ZDHHC15: variants seen among roughly 807,000 people sequenced by gnomAD.
The protein encoded by ZDHHC15 is zDHHC palmitoyltransferase 15, also known as palmitoyltransferase ZDHHC15.
In ZDHHC15, 19 loss-of-function variants were observed where a neutral mutation model predicts 31.7. That is an observed-to-expected ratio of 0.60 (90% CI 0.42 to 0.88). The LOEUF is 0.88. ZDHHC15 is among the 40% of genes least tolerant of loss of function. The pLI is 0.00. For synonymous variants in ZDHHC15, 103 were observed against 90.0 expected, an observed-to-expected ratio of 1.14 and a Z score of -0.82; for missense variants, 209 against 251.2, an observed-to-expected ratio of 0.83 and a Z score of 1.14.
chrX:75,432,755 T>A (rs2083796339), intron 4 of ZDHHC15, among the ~76,000 whole-genome samples: 1 of 111,112 alleles, frequency 9.0e-6, no homozygotes, highest in African/African-American at 3.3e-5. Context: ...GGCACAACTA[T>A]CGCTTGAGAC....
chrX:75,415,186 G>A (rs2083536093), intron 10 of ZDHHC15, among the ~76,000 whole-genome samples: 1 of 111,870 alleles, frequency 8.9e-6, no homozygotes, highest in African/African-American at 3.2e-5. Flanking sequence ...TCAACTTACA[G>A]CACCTTTCCT....
At chrX:75,511,785 T>C (rs1310911487) in intron 1 of ZDHHC15, among the ~76,000 whole-genome samples, 1 of 68,221 alleles carries the variant, frequency 1.5e-5, no homozygotes, top group Non-Finnish European at 2.7e-5. Context: ...TAACTCATTT[T>C]ATGAGGCCAG....
chrX:75,378,305 G>T (rs1170358000), intron 11 of ZDHHC15, among the ~76,000 whole-genome samples: 1 of 111,722 alleles, frequency 9.0e-6, no homozygotes, highest in East Asian at 2.8e-4. Context: ...GTTGATGTGA[G>T]GATTAAATAA....
intron 10 of ZDHHC15, among the ~76,000 whole-genome samples, chrX:75,387,329 A>C (rs1382212370): frequency 8.9e-6 from 1 of 112,082 alleles, no homozygotes; most frequent in African/African-American, 3.2e-5. Context: ...AAATCAAGGA[A>C]CCAGTGACTG....
At chrX:75,404,880 T>A (rs986262620) in intron 10 of ZDHHC15, among the ~76,000 whole-genome samples, 1 of 111,747 alleles carries the variant, frequency 8.9e-6, no homozygotes, top group Non-Finnish European at 1.9e-5. Flanking sequence ...TTACTGGGTA[T>A]ATACCCAGAG....
chrX:75,383,735 GTTTTTTT>G (rs34663369), intron 10 of ZDHHC15, among the ~76,000 whole-genome samples: 5 of 86,624 alleles, frequency 5.8e-5, no homozygotes, highest in African/African-American at 2.2e-4. Context: ...GAAATGTTAG[GTTTTTTT>G]TTTTTTTTTT....
chrX:75,513,769 A>T (rs1193541038), intron 1 of ZDHHC15, among the ~76,000 whole-genome samples: 2 of 111,339 alleles, frequency 1.8e-5, no homozygotes, highest in African/African-American at 3.3e-5. Context: ...AGTGCAATGA[A>T]CTCCAAATAG....
intron 10 of ZDHHC15, 134 bp downstream of exon 10, chrX:75,416,953 G>T: frequency 2.3e-6 from 1 of 441,788 alleles, no homozygotes; most frequent in South Asian, 3.9e-5. Context: ...AACAAATATG[G>T]CCATACTTGC....
chrX:75,445,313 T>C (rs1300581177), intron 4 of ZDHHC15, among the ~76,000 whole-genome samples: 1 of 111,478 alleles, frequency 9.0e-6, no homozygotes, highest in Non-Finnish European at 1.9e-5. Flanking sequence ...CTGTATCAAG[T>C]AATAAAAAGA....
intron 8 of ZDHHC15, among the ~76,000 whole-genome samples, chrX:75,423,186 A>T (rs2083670619): frequency 9.2e-6 from 1 of 108,277 alleles, no homozygotes; most frequent in Non-Finnish European, 1.9e-5. Context: ...CCAGCTAATG[A>T]TTATTATTTT....
chrX:75,443,750 A>T (rs1174782592), intron 4 of ZDHHC15, among the ~76,000 whole-genome samples: 1 of 112,236 alleles, frequency 8.9e-6, no homozygotes, highest in East Asian at 2.8e-4. Context: ...GAATCTACAA[A>T]GAACTCAAAC....
intron 4 of ZDHHC15, among the ~76,000 whole-genome samples, chrX:75,441,622 T>A (rs1262601442): frequency 6.6e-5 from 5 of 75,379 alleles, no homozygotes; most frequent in African/African-American, 2.5e-4. Flanking sequence ...GTGGTAGTTC[T>A]TTTTTTTTTT....
intron 4 of ZDHHC15, among the ~76,000 whole-genome samples, chrX:75,443,317 A>G (rs1370301120): frequency 1.8e-5 from 2 of 110,987 alleles, no homozygotes; most frequent in Admixed American, 1.9e-4. Context: ...AATGCCACAC[A>G]TCTACAACTA....
chrX:75,505,782 ACACGGTCCTGAT>A (rs1569367988), intron 2 of ZDHHC15, 27 bp downstream of exon 2: 3 of 1,204,479 alleles, frequency 2.5e-6, no homozygotes, highest in Non-Finnish European at 3.4e-6. Context: ...GAAAAAAAGG[ACACGGTCCTGAT>A]CAATACAATT....
chrX:75,447,345 G>A (rs995164638), intron 4 of ZDHHC15, among the ~76,000 whole-genome samples: 11 of 112,311 alleles, frequency 9.8e-5, no homozygotes, highest in South Asian at 3.7e-4. Context: ...AAGTGCCATC[G>A]ATGGACTTAC....
At chrX:75,491,168 C>A (rs907838228) in intron 2 of ZDHHC15, among the ~76,000 whole-genome samples, 5 of 110,911 alleles carry the variant, frequency 4.5e-5, no homozygotes, top group African/African-American at 1.6e-4. Flanking sequence ...TATAAAGACA[C>A]ATGAAAATGG....
At chrX:75,485,322 C>T (rs2147993910) in intron 2 of ZDHHC15, among the ~76,000 whole-genome samples, 1 of 111,166 alleles carries the variant, frequency 9.0e-6, no homozygotes, top group South Asian at 3.8e-4. Context: ...ACATATTTAT[C>T]TAACTTGACT....
chrX:75,501,160 C>A (rs936389790), intron 2 of ZDHHC15, among the ~76,000 whole-genome samples: 2 of 110,836 alleles, frequency 1.8e-5, no homozygotes, highest in Non-Finnish European at 3.8e-5. Flanking sequence ...CTGTTGTTCT[C>A]TTCTTCATGG....
At position 75,370,617 on chromosome X, in the gene ZDHHC15, T is replaced by G. The variant is rs1447616095; in HGVS notation, c.*2361A>C. 9.5e-6 allele frequency: 1 copy of G among 105,422 alleles called. No individual in the cohort carries two copies. Among genetic ancestry groups the G allele is most frequent in the African/African-American group, 3.6e-5 (1 of 27,801 alleles). 8.7% of individuals were successfully genotyped at this position (105,422 alleles called of 1,213,427 possible). ...CACGATCTCAGCTCACCACAACCTC[T>G]ACCTCCCAGGTTCAAGCGATTCTCC... On this transcript the variant is annotated 3_prime_UTR_variant, in exon 12 of 12. Coordinates refer to ENST00000373367, the MANE Select transcript of ZDHHC15 (RefSeq NM_144969.3).
Sources: gnomAD v4.1 joint callset for allele counts (sites outside exome capture counted in the v4.1 genomes callset) on GRCh38, gnomAD v4.1.1 for gene constraint, MANE v1.5 for transcripts, NCBI Gene and HGNC (gene_info 2026-07-23, HGNC 2026-07-21) for gene names.